EFCAB5: variants seen among roughly 807,000 people sequenced by gnomAD.
The protein encoded by EFCAB5 is EF-hand calcium binding domain 5.
EFCAB5 carries 131 observed loss-of-function variants against 167.9 expected under a neutral mutation model. The ratio of observed to expected loss-of-function variants is 0.78; its 90% CI spans 0.68 to 0.90. EFCAB5 has a LOEUF of 0.90. EFCAB5 is among the 40% of genes least tolerant of loss of function. EFCAB5 has a pLI of 0.00. For synonymous variants in EFCAB5, 574 were observed against 602.8 expected, an observed-to-expected ratio of 0.95 and a Z score of 0.70; for missense variants, 1,663 against 1,745.2, an observed-to-expected ratio of 0.95 and a Z score of 0.84.
chr17:30,015,373 G>A (rs1458484411), intron 7 of EFCAB5, among the ~76,000 whole-genome samples: 4 of 152,122 alleles, frequency 2.6e-5, no homozygotes, highest in Non-Finnish European at 5.9e-5. Flanking sequence ...AGTTTTCCTG[G>A]ATAATACCCT....
At position 30,051,134 on chromosome 17, in the gene EFCAB5, G is replaced by A. The variant is rs772213988; in HGVS notation, c.1217G>A (p.Arg406Gln). 35 of 1,613,716 alleles carry A rather than the reference G, an allele frequency of 2.2e-5. No individual in the cohort carries two copies. Among genetic ancestry groups the A allele is most frequent in the Non-Finnish European group, 2.7e-5 (32 of 1,179,846 alleles). Reference sequence around the variant, plus strand: ...TTTGCTTAGGTAGGGTTTTTGGATCGGCAGAGGACATTGGCCCTGCTGGAA... The same window carrying A: ...TTTGCTTAGGTAGGGTTTTTGGATCAGCAGAGGACATTGGCCCTGCTGGAA... ...CDHGKVGFLD[R>Q]QRTLALLELF... Residue 406 changes from arginine (R) to glutamine (Q), a missense_variant, in exon 9 of 23, where the codon CGG becomes CAG. Arg to Gln is a conservative substitution (Grantham distance 43). Transcript: ENST00000394835.
At chr17:29,937,996 A>G (rs1896798949), upstream of EFCAB5, among the ~76,000 whole-genome samples, 1 of 152,194 alleles carries the variant, frequency 6.6e-6, no homozygotes, top group East Asian at 1.9e-4. Context: ...ATTTTTCAGT[A>G]TATACTAGTG....
intron 14 of EFCAB5, chr17:30,068,673 C>G (rs1434695643): frequency 1.3e-6 from 2 of 1,561,618 alleles, no homozygotes; most frequent in African/African-American, 1.4e-5. Flanking sequence ...GCGTCAAGAC[C>G]GTGAAGACGC....
intron 15 of EFCAB5, 112 bp downstream of exon 15, chr17:30,078,616 C>G (rs937506545): frequency 1.6e-6 from 2 of 1,275,932 alleles, no homozygotes; most frequent in African/African-American, 3.0e-5. Flanking sequence ...CTGGGTGCTG[C>G]TGTAGATATT....
At chr17:29,972,447 G>T (rs2067976952) in intron 4 of EFCAB5, 1 of 152,118 alleles carries the variant, frequency 6.6e-6, no homozygotes, top group African/African-American at 2.4e-5. Flanking sequence ...ATTGTTTCTA[G>T]GCCCTTCAGG....
chr17:30,080,080 A>C lies in EFCAB5; in HGVS notation c.3036A>C (p.Glu1012Asp). 1 of 1,606,476 alleles carries C rather than the reference A, an allele frequency of 6.2e-7. No homozygotes were observed. The highest frequency in any genetic ancestry group is 8.5e-7 in the Non-Finnish European group (1 of 1,177,214). ...GAAACGTTTTGCTGTAGGATGCTGA[A>C]GCCCATGGAAATAAAAAGATCAGTG... ...ETFKALMQDA[E>D]AHGNKKISAH... Residue 1012 changes from glutamate (E) to aspartate (D), a missense_variant, in exon 16 of 23, where the codon GAA (glutamate) becomes GAC (aspartate). By Grantham distance (45) the Glu-to-Asp change is conservative. Transcript: ENST00000394835.
intron 22 of EFCAB5, among the ~76,000 whole-genome samples, chr17:30,097,041 TAC>T (rs1567777388): frequency 0.026 from 2,910 of 112,996 alleles, 158 homozygotes; most frequent in African/African-American, 0.11. Flanking sequence ...CATATACATA[TAC>T]ATATACATAT....
At position 30,098,536 on chromosome 17, in the gene EFCAB5, GA is replaced by G. The variant is rs549515033; in HGVS notation, c.4321+5615del. 4.6e-3 allele frequency among the ~76,000 whole-genome samples: 564 copies of G among 123,886 alleles called. 4 individuals carry two copies. The highest frequency in any genetic ancestry group is 0.013 in the African/African-American group (449 of 34,404). 81.3% of individuals were successfully genotyped at this position (123,886 alleles called of 152,430 possible). ...CACAGAACGAGACCCTGTCTACAGA[GA>G]AAAAAAAAAAAAAACTCCTGGGCTT... On this transcript the variant is annotated intron_variant, in intron 22 of 22. Transcript: ENST00000394835.
chr17:30,052,986 A>G (rs2070143823), intron 9 of EFCAB5, among the ~76,000 whole-genome samples: 1 of 152,256 alleles, frequency 6.6e-6, no homozygotes, highest in African/African-American at 2.4e-5. Context: ...AGTCTAAGCA[A>G]CACTCCAAGT....
Position 29,969,306 on chromosome 17 carries a change from A to T in EFCAB5, c.706A>T (p.Arg236Trp). 1 of 1,612,014 alleles carries T rather than the reference A, an allele frequency of 6.2e-7. No homozygotes were observed. Among genetic ancestry groups the T allele is most frequent in the East Asian group, 2.2e-5 (1 of 44,840 alleles). Residue 236 changes from arginine (R) to tryptophan (W), a missense_variant, in exon 4 of 23, where the codon AGG (arginine) becomes TGG (tryptophan). Arg to Trp is a moderately radical substitution (Grantham distance 101, BLOSUM62 -3). Coordinates refer to ENST00000394835, the MANE Select transcript of EFCAB5 (RefSeq NM_198529.4). ...AGACCCAGGAATGTCTGGTTACCAG[A>T]GGTTGATGAAAGAAGTCACAGAAGA... The part of the protein sequence containing the change: ...IKDPGMSGYQ[R>W]LMKEVTEDLK...
chr17:30,093,829 A>G (rs1173358731), intron 22 of EFCAB5, among the ~76,000 whole-genome samples: 1 of 152,184 alleles, frequency 6.6e-6, no homozygotes, highest in African/African-American at 2.4e-5. Context: ...TTCGTAGGTC[A>G]CCCAGATACC....
At chr17:29,940,080 CTT>C (rs35491131), upstream of EFCAB5, among the ~76,000 whole-genome samples, 1,236 of 143,870 alleles carry the variant, frequency 8.6e-3, 21 homozygotes, top group African/African-American at 0.028. Flanking sequence ...ACTGGGAACT[CTT>C]TTTTTTTTTT....
intron 7 of EFCAB5, among the ~76,000 whole-genome samples, chr17:30,026,961 C>CTTTTTTTTTTTTTTT (rs71138868): frequency 1.5e-5 from 1 of 64,552 alleles, no homozygotes; most frequent in Non-Finnish European, 2.9e-5. Context: ...CTCCTTGTAC[C>CTTTTTTTTTTTTTTT]TTTTTTTTTT....
intron 7 of EFCAB5, among the ~76,000 whole-genome samples, chr17:30,017,865 T>C (rs1262613997): frequency 6.6e-6 from 1 of 152,198 alleles, no homozygotes; most frequent in Non-Finnish European, 1.5e-5. Context: ...ACAATTGCCA[T>C]AGTTGATTAA....
chr17:30,080,271 C>T (rs948829605), intron 16 of EFCAB5, 30 bp downstream of exon 16: 4 of 1,498,884 alleles, frequency 2.7e-6, no homozygotes, highest in Admixed American at 5.0e-5. Flanking sequence ...ATTGGTTTCA[C>T]CCTCCTAAAA....
chr17:30,102,065 A>G (rs2151860086), intron 22 of EFCAB5, among the ~76,000 whole-genome samples: 2 of 152,326 alleles, frequency 1.3e-5, no homozygotes, highest in Middle Eastern at 3.4e-3. Flanking sequence ...GAATTGGCTT[A>G]AGACAGCAAG....
intron 3 of EFCAB5, among the ~76,000 whole-genome samples, chr17:29,958,944 CAGG>C (rs1408032332): frequency 6.6e-6 from 1 of 152,110 alleles, no homozygotes; most frequent in Non-Finnish European, 1.5e-5. Context: ...CCGGGATTAC[CAGG>C]CAGAGACTCT....
At chr17:29,935,751 G>A (rs925810605) in intron 1 of EFCAB5, among the ~76,000 whole-genome samples, 7 of 151,602 alleles carry the variant, frequency 4.6e-5, no homozygotes, top group African/African-American at 1.7e-4. Context: ...AAAAAACAGA[G>A]GAAGCAAAGG....
intron 3 of EFCAB5, among the ~76,000 whole-genome samples, chr17:29,949,176 T>C (rs2067460580): frequency 6.6e-6 from 1 of 152,224 alleles, no homozygotes; most frequent in South Asian, 2.1e-4. Context: ...ATTTATGTCC[T>C]TAAATAGGCT....
Sources: allele counts gnomAD v4.1 joint callset (sites outside exome capture counted in the v4.1 genomes callset), GRCh38; gene constraint gnomAD v4.1.1; transcripts MANE v1.5; gene names NCBI Gene and HGNC (gene_info 2026-07-23, HGNC 2026-07-21).